The following CDH12 variants were observed in gnomAD, a reference collection of about 807,000 sequenced individuals.
CDH12 encodes cadherin-12.
In CDH12, 41 loss-of-function variants were observed where a neutral mutation model predicts 74.1. The ratio of observed to expected loss-of-function variants is 0.55; its 90% CI spans 0.43 to 0.72. CDH12 has a LOEUF of 0.72. Among genes scored for constraint, CDH12 ranks in the 30% least tolerant of loss-of-function variants. The pLI, the probability that CDH12 is intolerant of heterozygous loss-of-function variation, is 0.00. For synonymous variants in CDH12, 399 were observed against 355.0 expected, an observed-to-expected ratio of 1.12 and a Z score of -1.39; for missense variants, 945 against 977.2, an observed-to-expected ratio of 0.97 and a Z score of 0.44.
chr5:22,735,962 A>T (rs72748720), intron 1 of CDH12, among the ~76,000 whole-genome samples: 46,509 of 151,668 alleles, frequency 0.31, 7,308 homozygotes, highest in South Asian at 0.36. Flanking sequence ...CGTCTCTGAC[A>T]CAAATATTAT....
At chr5:22,488,835 T>C (rs1421931680) in intron 2 of CDH12, among the ~76,000 whole-genome samples, 2 of 151,750 alleles carry the variant, frequency 1.3e-5, no homozygotes, top group Admixed American at 1.3e-4. Context: ...GCACCCTCTA[T>C]CTACTGGCCA....
chr5:22,481,025 TA>T (rs950394848), intron 2 of CDH12, among the ~76,000 whole-genome samples: 4 of 152,218 alleles, frequency 2.6e-5, no homozygotes, highest in Non-Finnish European at 4.4e-5. Flanking sequence ...TGACTAGTAT[TA>T]AAAAAATTAT....
At chr5:22,749,159 A>G (rs1745435259) in intron 1 of CDH12, among the ~76,000 whole-genome samples, 1 of 152,224 alleles carries the variant, frequency 6.6e-6, no homozygotes. Context: ...TATGAGTTGT[A>G]ACGTGCAAGC....
chr5:22,199,779 C>T (rs1185181157), intron 4 of CDH12, among the ~76,000 whole-genome samples: 1 of 152,180 alleles, frequency 6.6e-6, no homozygotes, highest in Non-Finnish European at 1.5e-5. Flanking sequence ...CTAGTCACAA[C>T]ATTTTTCTTT....
chr5:21,982,478 T>G (rs1757346568), intron 5 of CDH12, among the ~76,000 whole-genome samples: 1 of 151,620 alleles, frequency 6.6e-6, no homozygotes, highest in South Asian at 2.1e-4. Flanking sequence ...TATACCTATA[T>G]AGAGAGATAT....
chr5:22,704,381 G>A (rs1162581313), intron 1 of CDH12, among the ~76,000 whole-genome samples: 1 of 152,064 alleles, frequency 6.6e-6, no homozygotes, highest in African/African-American at 2.4e-5. Flanking sequence ...TCCAGTGCAA[G>A]TGACTTTCTG....
intron 5 of CDH12, among the ~76,000 whole-genome samples, chr5:22,077,994 C>T (rs72740002): frequency 0.022 from 3,376 of 152,180 alleles, 63 homozygotes; most frequent in Middle Eastern, 0.085. Context: ...GAAATACATT[C>T]TTGTCATTAA....
chr5:22,249,335 G>A (rs1753060613), intron 3 of CDH12, among the ~76,000 whole-genome samples: 1 of 152,186 alleles, frequency 6.6e-6, no homozygotes, highest in South Asian at 2.1e-4. Flanking sequence ...GAGGAAAGCA[G>A]AATGGTCATG....
At chr5:22,251,790 T>G (rs1753144312) in intron 3 of CDH12, among the ~76,000 whole-genome samples, 1 of 152,166 alleles carries the variant, frequency 6.6e-6, no homozygotes, top group Non-Finnish European at 1.5e-5. Flanking sequence ...CTGTGTCATC[T>G]CTACCCTTTG....
intron 9 of CDH12, among the ~76,000 whole-genome samples, chr5:21,809,529 C>G (rs1320451918): frequency 6.6e-6 from 1 of 152,128 alleles, no homozygotes; most frequent in Non-Finnish European, 1.5e-5. Flanking sequence ...TTACAGCAAG[C>G]TGTGTGACTT....
At chr5:22,265,817 A>G (rs1753682742) in intron 3 of CDH12, among the ~76,000 whole-genome samples, 1 of 152,120 alleles carries the variant, frequency 6.6e-6, no homozygotes, top group African/African-American at 2.4e-5. Flanking sequence ...ATAAACATGT[A>G]TAAAGCAATA....
chr5:22,489,479 A>G (rs1479394599), intron 2 of CDH12, among the ~76,000 whole-genome samples: 2 of 152,034 alleles, frequency 1.3e-5, no homozygotes, highest in Non-Finnish European at 2.9e-5. Flanking sequence ...ATGGAATGAC[A>G]TTAGAATTAA....
chr5:21,905,719 A>G (rs1046967481), intron 6 of CDH12, among the ~76,000 whole-genome samples: 1 of 145,650 alleles, frequency 6.9e-6, no homozygotes, highest in Non-Finnish European at 1.5e-5. Context: ...GTCAATTACC[A>G]TCTCGGCAGA....
At chr5:22,320,179 G>A (rs1374422525) in intron 3 of CDH12, among the ~76,000 whole-genome samples, 1 of 152,022 alleles carries the variant, frequency 6.6e-6, no homozygotes, top group African/African-American at 2.4e-5. Context: ...CTAGAGAGTA[G>A]GACAAACAGA....
At chr5:21,877,262 T>C (rs1430637784) in intron 6 of CDH12, among the ~76,000 whole-genome samples, 1 of 151,988 alleles carries the variant, frequency 6.6e-6, no homozygotes, top group Non-Finnish European at 1.5e-5. Context: ...GTAAACTTCG[T>C]TCCATTTTAA....
intron 4 of CDH12, among the ~76,000 whole-genome samples, chr5:22,154,728 A>T (rs1261799562): frequency 6.6e-6 from 1 of 151,922 alleles, no homozygotes; most frequent in Non-Finnish European, 1.5e-5. Context: ...CTTCCACTGA[A>T]CTTCCTTAAT....
chr5:22,724,832 T>C (rs1744082314), intron 1 of CDH12, among the ~76,000 whole-genome samples: 1 of 151,908 alleles, frequency 6.6e-6, no homozygotes, highest in Non-Finnish European at 1.5e-5. Context: ...GCTGTGAATA[T>C]ACTGGAATAA....
intron 4 of CDH12, among the ~76,000 whole-genome samples, chr5:22,184,568 T>A (rs1213513569): frequency 1.3e-5 from 2 of 152,188 alleles, no homozygotes; most frequent in Non-Finnish European, 2.9e-5. Context: ...ATAACTGCCT[T>A]GATATATGTA....
At chr5:22,314,307 T>C (rs946384924) in intron 3 of CDH12, among the ~76,000 whole-genome samples, 3 of 152,146 alleles carry the variant, frequency 2.0e-5, no homozygotes, top group African/African-American at 7.2e-5. Context: ...TACCTCAGAA[T>C]GTAAGTATAT....
Sources: allele counts gnomAD v4.1 joint callset (sites outside exome capture counted in the v4.1 genomes callset), GRCh38; gene constraint gnomAD v4.1.1; transcripts MANE v1.5; gene names NCBI Gene and HGNC (gene_info 2026-07-23, HGNC 2026-07-21).